The following KCTD1 variants were observed in gnomAD, a reference collection of about 807,000 sequenced individuals.
KCTD1 encodes potassium channel tetramerization domain containing 1.
KCTD1 carries 24 observed loss-of-function variants against 66.0 expected under a neutral mutation model. The ratio of observed to expected loss-of-function variants is 0.36; its 90% confidence interval spans 0.26 to 0.51. The LOEUF (loss-of-function observed/expected upper bound fraction) is 0.51, where lower values mean the gene tolerates loss of function less well. Ranked by LOEUF, KCTD1 falls within the 20% of genes least tolerant of loss-of-function variation. The pLI, the probability that KCTD1 is intolerant of heterozygous loss-of-function variation, is 0.95. For synonymous variants in KCTD1, 511 were observed against 517.2 expected, an observed-to-expected ratio of 0.99 and a Z score of 0.16; for missense variants, 943 against 1,205.2, an observed-to-expected ratio of 0.78 and a Z score of 3.22.
intron 1 of KCTD1, among the ~76,000 whole-genome samples, chr18:26,578,955 T>C: frequency 6.6e-6 from 1 of 152,170 alleles, no homozygotes; most frequent in East Asian, 1.9e-4. Context: ...CACATGCCAA[T>C]TGCATAGGAA....
At chr18:26,488,904 A>G (rs1479786499) in intron 2 of KCTD1, among the ~76,000 whole-genome samples, 1 of 152,228 alleles carries the variant, frequency 6.6e-6, no homozygotes, top group Non-Finnish European at 1.5e-5. Flanking sequence ...AATAGCTGAT[A>G]AAATTGTGGC....
At chr18:26,559,666 C>A (rs10454719) in intron 1 of KCTD1, among the ~76,000 whole-genome samples, 1 of 151,998 alleles carries the variant, frequency 6.6e-6, no homozygotes, top group African/African-American at 2.4e-5. Context: ...CAGGAGGACT[C>A]GGGGGTTCAG....
At position 26,501,189 on chromosome 18, in the gene KCTD1, T is replaced by C. The variant is rs1307893066; in HGVS notation, c.1871A>G (p.Asn624Ser). ...ITRSPASPLN[N>S]QGIPTPAQLT... ...TTGTGCTGGAGTAGGGATGCCTTGG[T>C]TGTTCAGTGGAGATGCAGGGGATCT... The change falls in exon 2 of 5, where the codon AAC (asparagine) becomes AGC (serine). Residue 624 changes from asparagine (N) to serine (S), a missense_variant. Transcript: ENST00000580059. 4 of 1,614,164 alleles carry C rather than the reference T, an allele frequency of 2.5e-6. No individual in the cohort carries two copies. The East Asian group carries it at 6.7e-5, about 27-fold the overall frequency.
chr18:26,507,902 T>C (rs1218160196), intron 1 of KCTD1, among the ~76,000 whole-genome samples: 2 of 152,168 alleles, frequency 1.3e-5, no homozygotes, highest in Admixed American at 1.3e-4. Context: ...GCTGCACATC[T>C]TGATCTGAGT....
At chr18:26,518,541 G>A (rs1490128098) in intron 1 of KCTD1, among the ~76,000 whole-genome samples, 1 of 152,212 alleles carries the variant, frequency 6.6e-6, no homozygotes, top group African/African-American at 2.4e-5. Flanking sequence ...TGGGATTACA[G>A]GCGTGAGCCA....
chr18:26,542,797 T>C (rs1260685872), intron 1 of KCTD1, among the ~76,000 whole-genome samples: 2 of 152,184 alleles, frequency 1.3e-5, no homozygotes, highest in African/African-American at 4.8e-5. Flanking sequence ...TATTTCTTTT[T>C]CTGTTTCATG....
chr18:26,564,019 C>CTT (rs35602601), intron 1 of KCTD1, among the ~76,000 whole-genome samples: 19,685 of 143,018 alleles, frequency 0.14, 1,763 homozygotes, highest in African/African-American at 0.27. Flanking sequence ...AAGAGAGGGG[C>CTT]TTTTTTTTTT....
chr18:26,619,464 A>G (rs185635136), intron 1 of KCTD1, among the ~76,000 whole-genome samples: 1 of 152,338 alleles, frequency 6.6e-6, no homozygotes, highest in African/African-American at 2.4e-5. Flanking sequence ...TGCAGGTGAT[A>G]TAGACGTATT....
intron 1 of KCTD1, among the ~76,000 whole-genome samples, chr18:26,505,262 C>A (rs1177399619): frequency 2.6e-5 from 4 of 152,248 alleles, no homozygotes; most frequent in Non-Finnish European, 2.9e-5. Context: ...ACCTTCCCAT[C>A]ATCATCTTAG....
At chr18:26,635,197 G>T (rs1987698884) in intron 1 of KCTD1, among the ~76,000 whole-genome samples, 1 of 151,748 alleles carries the variant, frequency 6.6e-6, no homozygotes, top group African/African-American at 2.4e-5. Context: ...TAAATGTTGT[G>T]CTGGACCTGT....
At chr18:26,514,397 A>G (rs1189278499) in intron 1 of KCTD1, among the ~76,000 whole-genome samples, 1 of 152,020 alleles carries the variant, frequency 6.6e-6, no homozygotes, top group Non-Finnish European at 1.5e-5. Flanking sequence ...TAAAAAGATT[A>G]AAAAACTGGC....
At chr18:26,550,240 A>T (rs1391331664), upstream of KCTD1, among the ~76,000 whole-genome samples, 1 of 152,136 alleles carries the variant, frequency 6.6e-6, no homozygotes, top group African/African-American at 2.4e-5. The surrounding 1 kb of genome is among the most constrained non-coding windows in gnomAD (Gnocchi z 5.4). Context: ...TGTGAGAGTT[A>T]TGTCAACTGC....
intron 1 of KCTD1, among the ~76,000 whole-genome samples, chr18:26,513,323 G>A (rs918091138): frequency 1.3e-5 from 2 of 152,028 alleles, no homozygotes; most frequent in Admixed American, 6.6e-5. Flanking sequence ...TCCTGACCTC[G>A]TGATCTGCCC....
chr18:26,616,419 G>C (rs894656745), intron 1 of KCTD1, among the ~76,000 whole-genome samples: 1 of 151,048 alleles, frequency 6.6e-6, no homozygotes, highest in African/African-American at 2.4e-5. Flanking sequence ...CAACTCCCTC[G>C]AGGCCCATCT....
intron 1 of KCTD1, chr18:26,544,512 C>T (rs1476770700): frequency 1.3e-5 from 2 of 152,208 alleles, no homozygotes. Context: ...TTGATAAAGT[C>T]CAGTCAGTAT....
intron 3 of KCTD1, among the ~76,000 whole-genome samples, chr18:26,470,421 G>T (rs1240252528): frequency 6.6e-6 from 1 of 152,230 alleles, no homozygotes; most frequent in African/African-American, 2.4e-5. Flanking sequence ...ATCCTGCCTT[G>T]ACTGAGGATG....
At chr18:26,499,877 G>C (rs965680420) in intron 2 of KCTD1, among the ~76,000 whole-genome samples, 15 of 152,136 alleles carry the variant, frequency 9.9e-5, no homozygotes, top group African/African-American at 3.6e-4. Context: ...CTATCCACCA[G>C]CAAAAAACTT....
At chr18:26,504,123 G>GC (rs1277601978) in intron 1 of KCTD1, among the ~76,000 whole-genome samples, 5 of 151,804 alleles carry the variant, frequency 3.3e-5, no homozygotes, top group Admixed American at 1.3e-4. Context: ...CTGGAGTGCA[G>GC]TGGTGTGATC....
At chr18:26,507,831 C>A (rs1983123927) in intron 1 of KCTD1, among the ~76,000 whole-genome samples, 1 of 152,036 alleles carries the variant, frequency 6.6e-6, no homozygotes. Flanking sequence ...AGGACGATGA[C>A]AAAGATCAGA....
Sources: gnomAD v4.1 joint callset for allele counts (sites outside exome capture counted in the v4.1 genomes callset) on GRCh38, gnomAD v4.1.1 for gene constraint, Gnocchi (gnomAD v3.1) non-coding constraint, MANE v1.5 for transcripts, NCBI Gene and HGNC (gene_info 2026-07-23, HGNC 2026-07-21) for gene names.